LCMT1: variants seen among roughly 807,000 people sequenced by gnomAD.
The protein encoded by LCMT1 is [Phosphatase 2A protein]-leucine-carboxy methyltransferase 1.
A neutral mutation model predicts 47.7 loss-of-function variants in LCMT1; 32 were observed. That is an observed-to-expected ratio of 0.67 (90% CI 0.51 to 0.90). The LOEUF (loss-of-function observed/expected upper bound fraction) is 0.90, where lower values mean the gene tolerates loss of function less well. Among genes scored for constraint, LCMT1 ranks in the 40% least tolerant of loss-of-function variants. The pLI, the probability that LCMT1 is intolerant of heterozygous loss-of-function variation, is 0.00. For synonymous variants in LCMT1, 152 were observed against 149.7 expected, an observed-to-expected ratio of 1.02 and a Z score of -0.11; for missense variants, 375 against 415.2, an observed-to-expected ratio of 0.90 and a Z score of 0.84.
intron 3 of LCMT1, 49 bp downstream of exon 3, chr16:25,132,572 GT>G: frequency 6.3e-7 from 1 of 1,590,376 alleles, no homozygotes; most frequent in Non-Finnish European, 8.6e-7. Flanking sequence ...GATTTTTTTC[GT>G]TAGATTTTCA....
intron 4 of LCMT1, chr16:25,141,316 A>G (rs531772047): frequency 1.3e-5 from 2 of 152,290 alleles, no homozygotes; most frequent in East Asian, 3.9e-4. Flanking sequence ...CATTACGATT[A>G]TGTAGCCAGG....
chr16:25,133,385 G>GTTTTTTTTTTTTT (rs1177872054), intron 3 of LCMT1, among the ~76,000 whole-genome samples: 2 of 52,586 alleles, frequency 3.8e-5, no homozygotes, highest in Non-Finnish European at 6.6e-5. Flanking sequence ...CTGGGCTTAG[G>GTTTTTTTTTTTTT]TTTTTTTTTT....
intron 4 of LCMT1, among the ~76,000 whole-genome samples, chr16:25,150,203 CT>C (rs1961030029): frequency 7.1e-6 from 1 of 140,486 alleles, no homozygotes; most frequent in African/African-American, 2.6e-5. Context: ...CTGTTATCCC[CT>C]TTTTGCAGAT....
intron 6 of LCMT1, among the ~76,000 whole-genome samples, chr16:25,163,724 G>A (rs963316491): frequency 6.6e-6 from 1 of 152,088 alleles, no homozygotes; most frequent in Non-Finnish European, 1.5e-5. Context: ...CTTGAATCTG[G>A]GGACCATGGA....
intron 5 of LCMT1, among the ~76,000 whole-genome samples, chr16:25,160,035 G>A (rs769138204): frequency 2.2e-4 from 33 of 151,296 alleles, no homozygotes; most frequent in South Asian, 6.3e-4. Context: ...GCATGATCTC[G>A]GCTCACTGCA....
intron 1 of LCMT1, among the ~76,000 whole-genome samples, chr16:25,125,031 A>C (rs11860180): frequency 0.26 from 39,379 of 152,122 alleles, 5,167 homozygotes; most frequent in East Asian, 0.4. Flanking sequence ...AAAATCTTTG[A>C]GGTCTTTCCA....
Position 25,139,062 on chromosome 16 carries a change from C to T in LCMT1, c.328-1109C>T, listed in dbSNP as rs573029629. 3.3e-5 allele frequency among the ~76,000 whole-genome samples: 5 copies of T among 152,222 alleles called. No individual in the cohort carries two copies. The South Asian group carries it at 1.0e-3, about 32-fold the overall frequency. On this transcript the variant is annotated intron_variant, in intron 3 of 10. Transcript: ENST00000399069. ...TCAAGCAATTCTCCTGCCTCAGCCTCCTGAGTAGCTACTTTTTGTATTTTT... is the reference window on the plus strand; with the variant it reads ...TCAAGCAATTCTCCTGCCTCAGCCTTCTGAGTAGCTACTTTTTGTATTTTT...
At chr16:25,125,135 A>G (rs1239608676) in intron 1 of LCMT1, among the ~76,000 whole-genome samples, 1 of 152,196 alleles carries the variant, frequency 6.6e-6, no homozygotes, top group Non-Finnish European at 1.5e-5. Context: ...GGGAGCAGAG[A>G]TGTGTAATGG....
intron 6 of LCMT1, among the ~76,000 whole-genome samples, chr16:25,162,603 AG>A (rs1961465113): frequency 6.8e-6 from 1 of 147,168 alleles, no homozygotes; most frequent in African/African-American, 2.6e-5. Flanking sequence ...AAAAAAAAAA[AG>A]AAAAGAAAAG....
At chr16:25,151,348 T>G (rs888624689) in intron 4 of LCMT1, among the ~76,000 whole-genome samples, 6 of 152,228 alleles carry the variant, frequency 3.9e-5, no homozygotes, top group Non-Finnish European at 4.4e-5. Flanking sequence ...ACCTGAGACC[T>G]GTGTCCACTG....
Position 25,170,711 on chromosome 16 carries a change from T to C in LCMT1, c.793-3T>C, listed in dbSNP as rs9630611. 0.11 allele frequency: 184,026 copies of C among 1,610,132 alleles called. 11,844 individuals carry two copies. The highest frequency in any genetic ancestry group is 0.2 in the African/African-American group (15,178 of 74,842). On this transcript the variant is annotated splice_region_variant and splice_polypyrimidine_tract_variant and intron_variant, in intron 8 of 10. Transcript: ENST00000399069. ...CTCCATTTCTCTTCGTTGCACATTT[T>C]AGAAAGAACGGCTCCTGTCGAATGG...
intron 6 of LCMT1, among the ~76,000 whole-genome samples, chr16:25,163,852 G>A (rs1172290501): frequency 1.3e-5 from 2 of 152,142 alleles, no homozygotes; most frequent in Non-Finnish European, 2.9e-5. Context: ...GCTTAGCTGG[G>A]TGTTCTGCAG....
chr16:25,115,299 C>T (rs1342282198), intron 1 of LCMT1, among the ~76,000 whole-genome samples: 1 of 152,238 alleles, frequency 6.6e-6, no homozygotes, highest in Non-Finnish European at 1.5e-5. Flanking sequence ...GTTCATCCTT[C>T]ATCCCTCGGT....
chr16:25,119,451 A>C (rs1463635750), intron 1 of LCMT1, among the ~76,000 whole-genome samples: 4 of 152,162 alleles, frequency 2.6e-5, no homozygotes, highest in African/African-American at 9.7e-5. Flanking sequence ...CAGCTTGGCC[A>C]CAGTGACGGG....
At position 25,133,226 on chromosome 16, in the gene LCMT1, A is replaced by G. The variant is rs536164233; in HGVS notation, c.327+703A>G. Among the ~76,000 whole-genome samples, 97 of 152,072 alleles carry G rather than the reference A, an allele frequency of 6.4e-4. 2 individuals carry two copies. The South Asian group carries it at 0.02, about 31-fold the overall frequency. On this transcript the variant is annotated intron_variant, in intron 3 of 10. Transcript: ENST00000399069. ...TAATGGCTTCTTGGGTAAAATTTGG[A>G]GATTCATATGGCTGGGTGATGATAA...
rs1411977501 is a variant in LCMT1, at chr16:25,170,861, A to G, written c.884+56A>G. 2.8e-6 allele frequency: 3 copies of G among 1,078,846 alleles called. No individual in the cohort carries two copies. The East Asian group carries it at 7.3e-5, about 26-fold the overall frequency. 66.8% of individuals were successfully genotyped at this position (1,078,846 alleles called of 1,614,324 possible). On this transcript the variant is annotated intron_variant, in intron 9 of 10. Transcript: ENST00000399069. ...GCATTCATTGTGAACTCAAGGCATG[A>G]TTGCCTGTATTCTTTCATGCAGAAA...
intron 1 of LCMT1, among the ~76,000 whole-genome samples, chr16:25,120,254 G>A (rs528769120): frequency 2.7e-5 from 4 of 150,538 alleles, no homozygotes; most frequent in East Asian, 3.9e-4. Flanking sequence ...ATGGAGGTTC[G>A]CTCTTGTTGC....
intron 4 of LCMT1, chr16:25,147,872 G>A (rs1046915944): frequency 2.0e-5 from 3 of 152,100 alleles, no homozygotes; most frequent in Admixed American, 6.5e-5. Flanking sequence ...CCTGTTTTTT[G>A]TAGAGGTGGA....
chr16:25,118,497 G>A (rs886102478), intron 1 of LCMT1, among the ~76,000 whole-genome samples: 1 of 152,188 alleles, frequency 6.6e-6, no homozygotes, highest in Non-Finnish European at 1.5e-5. Context: ...AACACAGGAT[G>A]CAGCTCTTAT....
Sources: allele counts gnomAD v4.1 joint callset (sites outside exome capture counted in the v4.1 genomes callset), GRCh38; gene constraint gnomAD v4.1.1; transcripts MANE v1.5; gene names NCBI Gene and HGNC (gene_info 2026-07-23, HGNC 2026-07-21).